The following PLEKHM1 variants were observed in gnomAD, a reference collection of about 807,000 sequenced individuals.
PLEKHM1 encodes the protein pleckstrin homology domain-containing family M member 1.
Under a neutral mutation model 94.3 loss-of-function variants are expected in PLEKHM1, and 28 were observed. That is an observed-to-expected ratio of 0.30 (90% CI 0.22 to 0.41). PLEKHM1 has a LOEUF of 0.41. Among genes scored for constraint, PLEKHM1 ranks in the 10% least tolerant of loss-of-function variants. PLEKHM1 has a pLI of 1.00. For synonymous variants in PLEKHM1, 424 were observed against 581.2 expected (o/e 0.73, Z 3.89); for missense variants, 907 against 1,358.6 (o/e 0.67, Z 5.22).
At chr17:45,467,356 TG>T (rs1305698212) in intron 5 of PLEKHM1, among the ~76,000 whole-genome samples, 4 of 152,268 alleles carry the variant, frequency 2.6e-5, no homozygotes, top group Non-Finnish European at 4.4e-5. Flanking sequence ...CATCTCCATT[TG>T]GACTTGCCAC....
intron 5 of PLEKHM1, among the ~76,000 whole-genome samples, chr17:45,460,831 T>A (rs1417001672): frequency 6.6e-6 from 1 of 152,178 alleles, no homozygotes; most frequent in African/African-American, 2.4e-5. Context: ...AGTGCTGAGG[T>A]CACAGGCATG....
In PLEKHM1 at chr17:45,444,836, T is replaced by C. The variant is rs2050553384; in HGVS notation, c.2837+634A>G. ...TCTGATCTGGGCTGGATGTCAAGCC[T>C]CTGTGGTTCCAGGACGTCCTGCCTC... On this transcript the variant is annotated intron_variant, in intron 9 of 11. Coordinates refer to ENST00000430334, the MANE Select transcript of PLEKHM1 (RefSeq NM_014798.3). This position sits in a 1 kb window ranked among gnomAD's most constrained non-coding sequence, Gnocchi z 5.0. 6.6e-6 allele frequency among the ~76,000 whole-genome samples: 1 copy of C among 152,144 alleles called. No individual in the cohort carries two copies. Among genetic ancestry groups the C allele is most frequent in the Non-Finnish European group, 1.5e-5 (1 of 68,020 alleles).
Position 45,454,013 on chromosome 17 carries a change from A to T in PLEKHM1, c.1839T>A (p.Ala613=). 1 of 1,614,086 alleles carries T rather than the reference A, an allele frequency of 6.2e-7. No homozygotes were observed. Among genetic ancestry groups the T allele is most frequent in the African/African-American group, 1.3e-5 (1 of 75,060 alleles). The change falls in exon 7 of 12, where the codon GCT becomes GCA. Residue 613 remains alanine (A), a synonymous_variant. Coordinates refer to ENST00000430334, the MANE Select transcript of PLEKHM1 (RefSeq NM_014798.3). The part of the protein sequence containing the change: ...LALRASSQDE[A]EDWLDRVREA... ...CCCGCACCCGGTCCAGCCAGTCCTC[A>T]GCTTCGTCCTGGGAGGAGGCGCGCA...
intron 2 of PLEKHM1, among the ~76,000 whole-genome samples, chr17:45,479,208 T>C (rs150833767): frequency 0.011 from 1,620 of 151,986 alleles, 37 homozygotes; most frequent in African/African-American, 0.038. Context: ...ACCCTGTCTC[T>C]ACTAAAAATG....
At chr17:45,482,847 A>G (rs1756805080) in intron 1 of PLEKHM1, among the ~76,000 whole-genome samples, 1 of 151,828 alleles carries the variant, frequency 6.6e-6, no homozygotes, top group Non-Finnish European at 1.5e-5. Flanking sequence ...GTAGGCAGGG[A>G]ACGACAGGCT....
intron 11 of PLEKHM1, 24 bp downstream of exon 11, chr17:45,439,453 C>A (rs185455570): frequency 1.1e-5 from 17 of 1,613,572 alleles, no homozygotes; most frequent in Admixed American, 1.7e-5. Flanking sequence ...GGCTGGAAGG[C>A]GGCTGGCTGG....
intron 4 of PLEKHM1, among the ~76,000 whole-genome samples, chr17:45,472,546 T>C (rs2051550720): frequency 1.3e-5 from 2 of 152,146 alleles, no homozygotes; most frequent in Admixed American, 1.3e-4. Flanking sequence ...TGAGTGAACC[T>C]AGGTCATGCC....
In PLEKHM1 at chr17:45,468,721, T is replaced by G. The variant is rs984623789; in HGVS notation, c.924-128A>C. 5 of 916,284 alleles carry G rather than the reference T, an allele frequency of 5.5e-6. No individual in the cohort carries two copies. In the African/African-American group the frequency reaches 8.1e-5, roughly 15 times the overall value. The allele number at this position is 916,284 out of a possible 1,614,324, so 56.8% of individuals were successfully genotyped here. On this transcript the variant is annotated intron_variant, in intron 4 of 11. Coordinates refer to ENST00000430334, the MANE Select transcript of PLEKHM1 (RefSeq NM_014798.3). ...AAAACAACCCACACCCTCTAAATGA[T>G]CCACTGCACTCCCCCTCACGCAGTC... is the stretch of plus-strand genomic sequence containing the variant.
intron 5 of PLEKHM1, among the ~76,000 whole-genome samples, chr17:45,462,069 G>T (rs1163546753): frequency 2.0e-5 from 3 of 152,064 alleles, no homozygotes; most frequent in Non-Finnish European, 4.4e-5. Context: ...CCTGAATCAA[G>T]ACTGCACTCC....
chr17:45,454,416 A>G (rs2050882104), intron 6 of PLEKHM1, 144 bp from the exon 7 acceptor site: 1 of 731,432 alleles, frequency 1.4e-6, no homozygotes, highest in Admixed American at 2.0e-5. Context: ...GCACTATCAC[A>G]TGGGACCCTG....
chr17:45,457,503 T>G (rs1336739048), intron 6 of PLEKHM1, among the ~76,000 whole-genome samples: 1 of 149,912 alleles, frequency 6.7e-6, no homozygotes, highest in Non-Finnish European at 1.5e-5. Context: ...GAGGTTGTGG[T>G]GAGCTGAGAT....
At chr17:45,440,091 A>G (rs772434639) in intron 10 of PLEKHM1, 72 bp downstream of exon 10, 5 of 1,389,728 alleles carry the variant, frequency 3.6e-6, no homozygotes, top group African/African-American at 1.4e-5. Flanking sequence ...CCCCTCTTCC[A>G]TCTTCCTTGC....
At chr17:45,442,680 C>T (rs1479045469) in intron 9 of PLEKHM1, among the ~76,000 whole-genome samples, 1 of 152,236 alleles carries the variant, frequency 6.6e-6, no homozygotes, top group East Asian at 1.9e-4. Flanking sequence ...GCTGGGATTA[C>T]AGGCATGAGC....
At chr17:45,468,677 A>T (rs2051402462) in intron 4 of PLEKHM1, 84 bp from the exon 5 acceptor site, 4 of 1,375,020 alleles carry the variant, frequency 2.9e-6, no homozygotes, top group Non-Finnish European at 4.1e-6. Flanking sequence ...AAGAATGCAA[A>T]ACTGCTGTTT....
At chr17:45,455,838 C>G (rs2050929348) in intron 6 of PLEKHM1, among the ~76,000 whole-genome samples, 1 of 152,158 alleles carries the variant, frequency 6.6e-6, no homozygotes, top group Admixed American at 6.6e-5. Context: ...AAAGGGAAGT[C>G]AGAGCATGTC....
intron 8 of PLEKHM1, among the ~76,000 whole-genome samples, chr17:45,450,244 G>A (rs1567771088): frequency 6.6e-6 from 1 of 151,100 alleles, no homozygotes; most frequent in East Asian, 1.9e-4. Flanking sequence ...CATCCACCTA[G>A]CCACCTGCTC....
intron 1 of PLEKHM1, among the ~76,000 whole-genome samples, chr17:45,486,828 G>C (rs1460892355): frequency 6.6e-6 from 1 of 152,098 alleles, no homozygotes; most frequent in African/African-American, 2.4e-5. Flanking sequence ...TCATGCTCAG[G>C]GAGGCAGGGC....
chr17:45,487,034 C>T (rs2052152922), intron 1 of PLEKHM1, among the ~76,000 whole-genome samples: 1 of 152,138 alleles, frequency 6.6e-6, no homozygotes, highest in African/African-American at 2.4e-5. Flanking sequence ...AGAGGTGTGG[C>T]TTCAAGGAGA....
chr17:45,465,988 G>T (rs1465312746), intron 5 of PLEKHM1, among the ~76,000 whole-genome samples: 1 of 152,006 alleles, frequency 6.6e-6, no homozygotes, highest in Non-Finnish European at 1.5e-5. Flanking sequence ...TTGAGGAAGG[G>T]GCTGCAGAGC....
Sources: allele counts gnomAD v4.1 joint callset (sites outside exome capture counted in the v4.1 genomes callset), GRCh38; gene constraint gnomAD v4.1.1; non-coding constraint Gnocchi (gnomAD v3.1); transcripts MANE v1.5; gene names NCBI Gene and HGNC (gene_info 2026-07-23, HGNC 2026-07-21).